Variants in ASMTL observed in about 807,000 individuals in gnomAD.
ASMTL encodes acetylserotonin O-methyltransferase like.
Under a neutral mutation model 60.3 loss-of-function variants are expected in ASMTL, and 57 were observed. The observed-to-expected ratio is 0.95, with a 90% CI of 0.76 to 1.18. The LOEUF (loss-of-function observed/expected upper bound fraction) is 1.18. ASMTL is among the 50% of genes most tolerant of loss of function. The pLI is 0.00. For missense variants in ASMTL, 981 were observed against 852.6 expected (o/e 1.15, Z -1.88); for synonymous variants, 419 against 373.0 (o/e 1.12, Z -1.42).
At chrX:1,428,935 C>A (rs778348326) in intron 6 of ASMTL, among the ~76,000 whole-genome samples, 1 of 151,344 alleles carries the variant, frequency 6.6e-6, no homozygotes, top group Non-Finnish European at 1.5e-5. Flanking sequence ...CTCGCTCTGT[C>A]GCCCAGGCTG....
chrX:1,411,484 G>A (rs1644161326), intron 12 of ASMTL, among the ~76,000 whole-genome samples: 2 of 152,136 alleles, frequency 1.3e-5, no homozygotes, highest in African/African-American at 2.4e-5. Context: ...CTGGAGCCAG[G>A]GTTTCCAGCA....
intron 1 of ASMTL, among the ~76,000 whole-genome samples, chrX:1,448,644 T>C (rs1338926315): frequency 2.7e-5 from 4 of 150,838 alleles, no homozygotes; most frequent in Non-Finnish European, 5.9e-5. Flanking sequence ...CACCGCCATC[T>C]TGGATAAGCA....
At chrX:1,426,590 C>T (rs1376777707) in intron 7 of ASMTL, among the ~76,000 whole-genome samples, 6 of 152,144 alleles carry the variant, frequency 3.9e-5, no homozygotes, top group African/African-American at 7.2e-5. Context: ...CGCTGGCTCA[C>T]GCCTGTAATC....
chrX:1,414,942 ATTTT>A (rs5901174), intron 11 of ASMTL, among the ~76,000 whole-genome samples: 4 of 151,382 alleles, frequency 2.6e-5, no homozygotes, highest in African/African-American at 9.7e-5. Context: ...CTCTTTTTTT[ATTTT>A]TTTATTTTTT....
chrX:1,443,322 TGG>T, intron 1 of ASMTL, among the ~76,000 whole-genome samples: 1 of 48,316 alleles, frequency 2.1e-5, no homozygotes, highest in Non-Finnish European at 7.2e-5. Context: ...ACCGCCATCT[TGG>T]ACACACACCG....
chrX:1,407,819 A>T (rs1257552148), intron 12 of ASMTL, among the ~76,000 whole-genome samples: 1 of 151,904 alleles, frequency 6.6e-6, no homozygotes, highest in African/African-American at 2.4e-5. Context: ...AGGAAGGAGG[A>T]GAGAAGAGAA....
intron 6 of ASMTL, among the ~76,000 whole-genome samples, chrX:1,430,174 C>T (rs1339263379): frequency 2.0e-5 from 3 of 151,994 alleles, no homozygotes; most frequent in African/African-American, 7.2e-5. Flanking sequence ...GCCACCACAC[C>T]GGGCTAATTT....
At chrX:1,439,060 T>G (rs1603451617) in intron 3 of ASMTL, 37 bp downstream of exon 3, 4 of 1,610,552 alleles carry the variant, frequency 2.5e-6, no homozygotes, top group Non-Finnish European at 1.7e-6. Context: ...GAAAACCACA[T>G]CGGACATTAG....
chrX:1,428,040 C>T lies in ASMTL; in HGVS notation c.591G>A (p.Val197=), dbSNP rs2090662311. The change falls in exon 7 of 13, where the codon GTG becomes GTA. Residue 197 remains valine (V), a synonymous_variant. Transcript: ENST00000381317. ...ESVHGDFLNV[V]GFPLNHFCKQ... ...TGCAGAAGTGGTTCAGCGGGAATCCCACCACGTTCAGAAAGTCCCCGTGTA... is the reference window on the plus strand; with the variant it reads ...TGCAGAAGTGGTTCAGCGGGAATCCTACCACGTTCAGAAAGTCCCCGTGTA... 3 of 1,613,716 alleles carry T rather than the reference C, an allele frequency of 1.9e-6. No individual in the cohort carries two copies. The highest frequency in any genetic ancestry group is 4.5e-5 in the East Asian group (2 of 44,882).
Position 1,437,379 on chromosome X carries a change from T to G in ASMTL, c.274-1621A>C, listed in dbSNP as rs748613077. ...CTGGGTGGCTTATAAACAGCAGACA[T>G]TGATTCTTCCATAATCCTGGAGTCT... On this transcript the variant is annotated intron_variant, in intron 3 of 12. Coordinates refer to ENST00000381317, the MANE Select transcript of ASMTL (RefSeq NM_004192.4). Among the ~76,000 whole-genome samples, 17 of 139,842 alleles carry G rather than the reference T, an allele frequency of 1.2e-4. No individual in the cohort carries two copies. The South Asian group carries it at 1.4e-3, about 11-fold the overall frequency. 91.7% of individuals were successfully genotyped at this position (139,842 alleles called of 152,430 possible). A position where few individuals can be genotyped will look rare whatever the true frequency, so the allele number is the denominator to read the frequency against.
chrX:1,440,859 A>C (rs1157357617), intron 2 of ASMTL, among the ~76,000 whole-genome samples: 1 of 152,188 alleles, frequency 6.6e-6, no homozygotes, highest in Non-Finnish European at 1.5e-5. Context: ...TTGTCATAGT[A>C]TATTACATAG....
intron 8 of ASMTL, among the ~76,000 whole-genome samples, chrX:1,424,238 GT>G (rs2090552349): frequency 2.9e-5 from 2 of 69,170 alleles, no homozygotes; most frequent in Admixed American, 3.6e-4. Context: ...CCATGCACCC[GT>G]CCATCCATTC....
chrX:1,434,664 C>T (rs1400452665), intron 5 of ASMTL, among the ~76,000 whole-genome samples: 4 of 150,978 alleles, frequency 2.6e-5, no homozygotes, highest in African/African-American at 9.7e-5. Context: ...ATTAGCCGGG[C>T]ATGGTGGTGG....
chrX:1,448,285 A>G (rs2091273785), intron 1 of ASMTL, among the ~76,000 whole-genome samples: 2 of 147,342 alleles, frequency 1.4e-5, no homozygotes, highest in Non-Finnish European at 3.0e-5. Context: ...TCTTGGACAC[A>G]CACCGCCATC....
chrX:1,424,072 A>G (rs2090547177), intron 8 of ASMTL, among the ~76,000 whole-genome samples: 1 of 142,222 alleles, frequency 7.0e-6, no homozygotes, highest in South Asian at 2.2e-4. Context: ...CCACCCATCC[A>G]CTGATGGATC....
At chrX:1,430,540 GTGGAAGGATC>G (rs2090741696) in intron 6 of ASMTL, among the ~76,000 whole-genome samples, 1 of 152,034 alleles carries the variant, frequency 6.6e-6, no homozygotes, top group African/African-American at 2.4e-5. Context: ...GGAGGCTTTG[GTGGAAGGATC>G]GCCTGAGCCC....
chrX:1,407,348 A>G (rs1257767184), intron 12 of ASMTL, among the ~76,000 whole-genome samples: 1 of 150,788 alleles, frequency 6.6e-6, no homozygotes, highest in Admixed American at 6.6e-5. Flanking sequence ...GATGAGATGG[A>G]TGGGTGTATT....
chrX:1,446,052 A>G lies in ASMTL; in HGVS notation c.94-3735T>C, dbSNP rs1358544675. Among the ~76,000 whole-genome samples the G allele has an allele frequency of 2.6e-5, 4 of 152,296 alleles. No homozygotes were observed. In the East Asian group the frequency reaches 7.7e-4, roughly 29 times the overall value. ...TGTGGTGCTTTGCTTCAGTGGTCACACGCTCCTAGTCCGCCTTCATGTTCC... is the reference window on the plus strand; with the variant it reads ...TGTGGTGCTTTGCTTCAGTGGTCACGCGCTCCTAGTCCGCCTTCATGTTCC... On this transcript the variant is annotated intron_variant, in intron 1 of 12. Transcript: ENST00000381317.
chrX:1,417,270 A>G (rs1298412637), intron 11 of ASMTL, among the ~76,000 whole-genome samples: 3 of 150,190 alleles, frequency 2.0e-5, no homozygotes, highest in South Asian at 2.1e-4. Flanking sequence ...ACCAGCACAC[A>G]GCATACACAC....
Sources: gnomAD v4.1 joint callset for allele counts (sites outside exome capture counted in the v4.1 genomes callset) on GRCh38, gnomAD v4.1.1 for gene constraint, MANE v1.5 for transcripts, NCBI Gene and HGNC (gene_info 2026-07-23, HGNC 2026-07-21) for gene names.